Variants in SNTG2 observed in about 807,000 individuals in gnomAD.
SNTG2 encodes syntrophin gamma 2, also known as gamma-2-syntrophin.
A neutral mutation model predicts 70.9 loss-of-function variants in SNTG2; 74 were observed. The observed-to-expected ratio is 1.04, with a 90% CI of 0.86 to 1.27. SNTG2 has a LOEUF of 1.27. Among genes scored for constraint, SNTG2 ranks in the 50% most tolerant of loss-of-function variants. The pLI, the probability that SNTG2 is intolerant of heterozygous loss-of-function variation, is 0.00. For missense variants in SNTG2, 717 were observed against 690.7 expected (o/e 1.04, Z -0.43); for synonymous variants, 278 against 273.8 (o/e 1.02, Z -0.15).
intron 9 of SNTG2, among the ~76,000 whole-genome samples, chr2:1,217,108 G>C (rs1446746528): frequency 6.6e-6 from 1 of 151,430 alleles, no homozygotes; most frequent in Non-Finnish European, 1.5e-5. Flanking sequence ...AGGTTCCTTA[G>C]TTTTCTCAGT....
intron 14 of SNTG2, among the ~76,000 whole-genome samples, chr2:1,296,862 T>C (rs1205945744): frequency 1.3e-5 from 2 of 152,204 alleles, no homozygotes; most frequent in Non-Finnish European, 2.9e-5. Flanking sequence ...GACAATAAAT[T>C]GTATTTGTAG....
At chr2:1,099,685 G>GGGTGCA (rs1665656438) in intron 4 of SNTG2, among the ~76,000 whole-genome samples, 2 of 151,998 alleles carry the variant, frequency 1.3e-5, no homozygotes, top group African/African-American at 4.8e-5. Context: ...GGGCAGTTGT[G>GGGTGCA]GTGAGGGCAG....
At chr2:1,192,536 T>A (rs967207133) in intron 8 of SNTG2, among the ~76,000 whole-genome samples, 2 of 152,160 alleles carry the variant, frequency 1.3e-5, no homozygotes, top group African/African-American at 4.8e-5. Context: ...GTAAATTAAT[T>A]TTTTAATTTT....
intron 1 of SNTG2, among the ~76,000 whole-genome samples, chr2:975,569 G>T (rs1660884128): frequency 6.6e-6 from 1 of 152,172 alleles, no homozygotes; most frequent in South Asian, 2.1e-4. Context: ...AATAAGCCAA[G>T]AAAATACAAA....
At chr2:1,015,047 C>A (rs1356814785) in intron 1 of SNTG2, among the ~76,000 whole-genome samples, 1 of 152,114 alleles carries the variant, frequency 6.6e-6, no homozygotes, top group East Asian at 1.9e-4. Flanking sequence ...GGAGTGAAAA[C>A]CCTTGGGTGG....
At chr2:1,348,705 G>A (rs960668662) in intron 16 of SNTG2, among the ~76,000 whole-genome samples, 1 of 152,164 alleles carries the variant, frequency 6.6e-6, no homozygotes, top group Non-Finnish European at 1.5e-5. Flanking sequence ...TTGGGAACAT[G>A]TTTCTAGGAC....
chr2:1,089,261 C>T (rs1241713185), intron 2 of SNTG2, among the ~76,000 whole-genome samples: 2 of 152,002 alleles, frequency 1.3e-5, no homozygotes, highest in Non-Finnish European at 2.9e-5. Flanking sequence ...TTAATGGTAC[C>T]CAGAATAGGG....
chr2:1,098,561 C>T (rs1665550495), intron 4 of SNTG2, among the ~76,000 whole-genome samples, 151 bp downstream of exon 4: 1 of 152,194 alleles, frequency 6.6e-6, no homozygotes, highest in Admixed American at 6.5e-5. Context: ...TCAAAGGATG[C>T]TTCTTATGCC....
At chr2:1,227,350 C>G (rs1675857843) in intron 9 of SNTG2, among the ~76,000 whole-genome samples, 1 of 152,230 alleles carries the variant, frequency 6.6e-6, no homozygotes, top group African/African-American at 2.4e-5. Context: ...AACAGCCTGT[C>G]CAGCTGATGG....
intron 4 of SNTG2, among the ~76,000 whole-genome samples, chr2:1,109,975 G>T (rs916105782): frequency 6.6e-6 from 1 of 152,164 alleles, no homozygotes; most frequent in Non-Finnish European, 1.5e-5. Flanking sequence ...GCTGAAGGGC[G>T]GGTTCTTACA....
At chr2:1,131,651 T>TC (rs1668020678) in intron 4 of SNTG2, among the ~76,000 whole-genome samples, 1 of 151,928 alleles carries the variant, frequency 6.6e-6, no homozygotes, top group Admixed American at 6.6e-5. Context: ...TCTTTTTTTT[T>TC]CTTTTCTTTT....
intron 6 of SNTG2, among the ~76,000 whole-genome samples, chr2:1,147,351 T>C (rs1669167250): frequency 6.6e-6 from 1 of 152,148 alleles, no homozygotes; most frequent in Non-Finnish European, 1.5e-5. Context: ...GCAGACTCAC[T>C]CTTAATTTGG....
chr2:1,153,758 G>A (rs1450486797), intron 6 of SNTG2, among the ~76,000 whole-genome samples: 1 of 152,242 alleles, frequency 6.6e-6, no homozygotes, highest in Non-Finnish European at 1.5e-5. Context: ...CACTATTGAT[G>A]CTGAAAATGT....
intron 6 of SNTG2, among the ~76,000 whole-genome samples, chr2:1,164,238 C>T (rs1158183767): frequency 1.3e-5 from 2 of 150,004 alleles, no homozygotes; most frequent in Non-Finnish European, 3.0e-5. Flanking sequence ...ATATGCCTGG[C>T]CTAGGAGGAT....
At chr2:1,247,864 A>C (rs1402317059) in intron 12 of SNTG2, among the ~76,000 whole-genome samples, 4 of 152,210 alleles carry the variant, frequency 2.6e-5, no homozygotes, top group Admixed American at 6.5e-5. Context: ...TATTTAAAAA[A>C]TAAGCAGCCT....
At position 1,045,094 on chromosome 2, in the gene SNTG2, T is replaced by G. The variant is rs530289566; in HGVS notation, c.73-38424T>G. Among the ~76,000 whole-genome samples, 50 of 152,244 alleles carry G rather than the reference T, an allele frequency of 3.3e-4. 1 individual carries two copies. In the South Asian group the frequency reaches 0.01, roughly 32 times the overall value. ...AAACTAACATTGGTATATTCAGGGT[T>G]TCAGTTTCTTCCTGGTTCAATCTTG... On this transcript the variant is annotated intron_variant, in intron 1 of 16. Transcript: ENST00000308624.
intron 14 of SNTG2, among the ~76,000 whole-genome samples, chr2:1,290,317 CTTTT>C (rs34782770): frequency 6.9e-6 from 1 of 144,430 alleles, no homozygotes; most frequent in Non-Finnish European, 1.5e-5. Context: ...GTTCTACATC[CTTTT>C]TTTTTTTTTT....
At chr2:1,174,139 A>G (rs1671315996) in intron 8 of SNTG2, among the ~76,000 whole-genome samples, 1 of 152,200 alleles carries the variant, frequency 6.6e-6, no homozygotes, top group African/African-American at 2.4e-5. Context: ...ACAAATGCCC[A>G]TGAAATTGCA....
chr2:1,173,142 T>C lies in SNTG2; in HGVS notation c.550T>C (p.Phe184Leu). Reference protein sequence around the residue: ...DHSSGASSPLFDSGLHLNGNS... With the variant: ...DHSSGASSPLLDSGLHLNGNS... ...CAGCAGTGGGGCCTCCTCTCCCCTC[T>C]TTGACAGCGGTTTGCATCTGAACGG... The change falls in exon 8 of 17, where the codon TTT becomes CTT. Residue 184 changes from phenylalanine (F) to leucine (L), a missense_variant. Phe to Leu is a conservative substitution (Grantham distance 22, BLOSUM62 0). Coordinates refer to ENST00000308624, the MANE Select transcript of SNTG2 (RefSeq NM_018968.4). 1 of 1,614,008 alleles carries C rather than the reference T, an allele frequency of 6.2e-7. No individual in the cohort carries two copies. Among genetic ancestry groups the C allele is most frequent in the South Asian group, 1.1e-5 (1 of 91,074 alleles).
Sources: allele counts gnomAD v4.1 joint callset (sites outside exome capture counted in the v4.1 genomes callset), GRCh38; gene constraint gnomAD v4.1.1; transcripts MANE v1.5; gene names NCBI Gene and HGNC (gene_info 2026-07-23, HGNC 2026-07-21).